UTRN: variants seen among roughly 807,000 people sequenced by gnomAD.
UTRN encodes the protein utrophin, also known as dystrophin-related protein 1.
Under a neutral mutation model 463.9 loss-of-function variants are expected in UTRN, and 283 were observed. That is an observed-to-expected ratio of 0.61 (90% CI 0.55 to 0.67). The LOEUF (loss-of-function observed/expected upper bound fraction) is 0.67, where lower values mean the gene tolerates loss of function less well. Ranked by LOEUF, UTRN falls within the 30% of genes least tolerant of loss-of-function variation. The pLI, the probability that UTRN is intolerant of heterozygous loss-of-function variation, is 0.00. For synonymous variants in UTRN, 1,442 were observed against 1,431.5 expected (o/e 1.01, Z -0.17); for missense variants, 3,922 against 4,084.3 (o/e 0.96, Z 1.08).
intron 58 of UTRN, among the ~76,000 whole-genome samples, chr6:144,761,765 TA>T (rs2128728001): frequency 1.3e-5 from 2 of 152,306 alleles, no homozygotes; most frequent in Admixed American, 1.3e-4. Flanking sequence ...TCTCTCATTG[TA>T]AATTTTTGGT....
intron 51 of UTRN, among the ~76,000 whole-genome samples, chr6:144,613,111 A>G (rs1805702357): frequency 6.6e-6 from 1 of 152,092 alleles, no homozygotes; most frequent in African/African-American, 2.4e-5. Context: ...TTTGTAAAGA[A>G]TGATAAATAC....
chr6:144,381,914 C>T (rs1305556467), intron 2 of UTRN, among the ~76,000 whole-genome samples: 1 of 152,166 alleles, frequency 6.6e-6, no homozygotes, highest in Non-Finnish European at 1.5e-5. Flanking sequence ...GTCTTTAGGT[C>T]TTTGAGGAAT....
At chr6:144,601,447 T>G (rs1376591915) in intron 51 of UTRN, among the ~76,000 whole-genome samples, 1 of 152,024 alleles carries the variant, frequency 6.6e-6, no homozygotes, top group Admixed American at 6.6e-5. Flanking sequence ...GGTTCAAGAG[T>G]TCAGTGAAGG....
intron 52 of UTRN, among the ~76,000 whole-genome samples, chr6:144,698,829 T>A (rs1284695639): frequency 1.3e-5 from 2 of 152,224 alleles, no homozygotes; most frequent in African/African-American, 4.8e-5. Flanking sequence ...ATATCTGTGA[T>A]TATGGAGTTC....
chr6:144,766,637 G>A (rs923351827), intron 58 of UTRN, among the ~76,000 whole-genome samples: 2 of 152,026 alleles, frequency 1.3e-5, no homozygotes, highest in Non-Finnish European at 2.9e-5. Flanking sequence ...CAGTTTGAGT[G>A]CAGGAGAAAA....
chr6:144,827,221 C>A, intron 66 of UTRN, 127 bp from the exon 67 acceptor site: 1 of 1,081,808 alleles, frequency 9.2e-7, no homozygotes, highest in Non-Finnish European at 1.4e-6. Flanking sequence ...CCCATGGTGG[C>A]TCTCAGGGCA....
At chr6:144,548,976 C>A in intron 47 of UTRN, 122 bp downstream of exon 47, 1 of 996,250 alleles carries the variant, frequency 1.0e-6, no homozygotes, top group Non-Finnish European at 1.5e-6. Context: ...AATTCTGTAT[C>A]TGTCAAACAA....
chr6:144,511,264 A>G, intron 35 of UTRN, 141 bp downstream of exon 35: 1 of 805,156 alleles, frequency 1.2e-6, no homozygotes, highest in Non-Finnish European at 1.7e-6. Context: ...ATTTCATTAG[A>G]CTAGGTTTTA....
intron 19 of UTRN, among the ~76,000 whole-genome samples, chr6:144,455,896 C>T (rs1245847990): frequency 6.6e-6 from 1 of 152,148 alleles, no homozygotes; most frequent in East Asian, 1.9e-4. Context: ...ACATTGAGTT[C>T]ACATGAAAGT....
At chr6:144,360,669 C>A (rs879874360) in intron 2 of UTRN, among the ~76,000 whole-genome samples, 28 of 152,202 alleles carry the variant, frequency 1.8e-4, no homozygotes, top group Non-Finnish European at 3.8e-4. Context: ...CCCAGCAACC[C>A]ATAGCCAGTG....
intron 51 of UTRN, among the ~76,000 whole-genome samples, chr6:144,617,153 T>A (rs988751973): frequency 3.3e-5 from 5 of 152,210 alleles, no homozygotes; most frequent in Non-Finnish European, 5.9e-5. Context: ...GAATGTGTTC[T>A]GTCTTCCATC....
chr6:144,657,900 T>G (rs1366720847), intron 51 of UTRN, among the ~76,000 whole-genome samples: 1 of 152,094 alleles, frequency 6.6e-6, no homozygotes, highest in Non-Finnish European at 1.5e-5. Flanking sequence ...GTGTGTGTGG[T>G]GGTGGTGATG....
chr6:144,774,828 A>G (rs1775174556), intron 60 of UTRN, among the ~76,000 whole-genome samples: 1 of 152,234 alleles, frequency 6.6e-6, no homozygotes, highest in Non-Finnish European at 1.5e-5. Flanking sequence ...TTTCTTTTAA[A>G]TATATCTTGA....
chr6:144,445,771 G>A (rs935835429), intron 14 of UTRN, among the ~76,000 whole-genome samples: 5 of 151,978 alleles, frequency 3.3e-5, no homozygotes, highest in African/African-American at 9.7e-5. Context: ...AAGGCTGGGC[G>A]CGGTGGATCA....
chr6:144,669,263 CTT>C (rs1378456565), intron 51 of UTRN, among the ~76,000 whole-genome samples: 1 of 152,114 alleles, frequency 6.6e-6, no homozygotes, highest in Admixed American at 6.5e-5. Flanking sequence ...TTGAGTTTAA[CTT>C]TTTGAAAACT....
intron 54 of UTRN, among the ~76,000 whole-genome samples, chr6:144,733,020 T>A (rs574449392): frequency 2.1e-4 from 32 of 152,278 alleles, no homozygotes; most frequent in Admixed American, 1.2e-3. Flanking sequence ...ATATTTATTT[T>A]AAAAATCTTT....
chr6:144,347,077 C>G (rs1777649176), intron 2 of UTRN, among the ~76,000 whole-genome samples: 1 of 152,220 alleles, frequency 6.6e-6, no homozygotes, highest in African/African-American at 2.4e-5. Flanking sequence ...GCCCAGATGA[C>G]TCATGTCTGG....
chr6:144,840,632 A>G, intron 72 of UTRN, 108 bp from the exon 73 acceptor site: 2 of 1,222,418 alleles, frequency 1.6e-6, no homozygotes, highest in East Asian at 2.5e-5. Context: ...ATCTTTTCAC[A>G]TTGATATTTA....
At chr6:144,652,471 G>A (rs1024270299) in intron 51 of UTRN, among the ~76,000 whole-genome samples, 2 of 152,126 alleles carry the variant, frequency 1.3e-5, no homozygotes, top group African/African-American at 2.4e-5. Flanking sequence ...AGACTCTGGC[G>A]CTTTCACTCT....
Sources: gnomAD v4.1 joint callset for allele counts (sites outside exome capture counted in the v4.1 genomes callset) on GRCh38, gnomAD v4.1.1 for gene constraint, MANE v1.5 for transcripts, NCBI Gene and HGNC (gene_info 2026-07-23, HGNC 2026-07-21) for gene names.